The following FOXA1 variants were observed in gnomAD, a reference collection of about 807,000 sequenced individuals.
FOXA1 encodes forkhead box A1, also known as hepatocyte nuclear factor 3-alpha.
In FOXA1, 9 loss-of-function variants were observed where a neutral mutation model predicts 29.2. The ratio of observed to expected loss-of-function variants is 0.31; its 90% confidence interval spans 0.19 to 0.54. FOXA1 has a LOEUF of 0.54. Among genes scored for constraint, FOXA1 ranks in the 20% least tolerant of loss-of-function variants. The pLI, the probability that FOXA1 is intolerant of heterozygous loss-of-function variation, is 0.95. For missense variants in FOXA1, 644 were observed against 681.2 expected, an observed-to-expected ratio of 0.95 and a Z score of 0.61; for synonymous variants, 340 against 300.9, an observed-to-expected ratio of 1.13 and a Z score of -1.34.
At chr14:37,594,826 C>T in intron 1 of FOXA1, 75 bp downstream of exon 1, 1 of 1,307,948 alleles carries the variant, frequency 7.6e-7, no homozygotes, top group Non-Finnish European at 1.0e-6. Context: ...TGCCTGGCGC[C>T]CACCGCTCCC....
chr14:37,594,029 T>A, intron 1 of FOXA1: 1 of 1,169,726 alleles, frequency 8.5e-7, no homozygotes, highest in Non-Finnish European at 1.1e-6. Flanking sequence ...ATCAAAATAT[T>A]ACGTGATCCT....
In FOXA1 at chr14:37,590,250, C is replaced by G. The variant is rs1391294725; in HGVS notation, c.*1115G>C. 4.3e-6 allele frequency: 1 copy of G among 232,078 alleles called. No homozygotes were observed. The highest frequency in any genetic ancestry group is 2.2e-5 in the African/African-American group (1 of 45,262). The allele number at this position is 232,078 out of a possible 1,614,324, so 14.4% of individuals were successfully genotyped here. A position where few individuals can be genotyped will look rare whatever the true frequency, so the allele number is the denominator to read the frequency against. ...TGAAACCCGTCTGGCTATACTAACA[C>G]CATGTCCAACTGTGGAAAGTGCATA... On this transcript the variant is annotated 3_prime_UTR_variant, in exon 2 of 2. Coordinates refer to ENST00000250448, the MANE Select transcript of FOXA1 (RefSeq NM_004496.5).
At chr14:37,592,795 C>T in intron 1 of FOXA1, 84 bp from the exon 2 acceptor site, 5 of 1,552,386 alleles carry the variant, frequency 3.2e-6, no homozygotes, top group East Asian at 4.5e-5. Flanking sequence ...GGACCTAACC[C>T]GGGGGCAAGT....
In FOXA1 at chr14:37,595,132, G is replaced by T; in HGVS notation, c.-160C>A. On this transcript the variant is annotated 5_prime_UTR_variant, in exon 1 of 2. Transcript: ENST00000250448. Reference sequence around the variant, plus strand: ...CGAAGAGGAAGCCCAGAGCTGCGGGGCGCGGCGTGCGCGGCGGCGGCGGCG... The same window carrying T: ...CGAAGAGGAAGCCCAGAGCTGCGGGTCGCGGCGTGCGCGGCGGCGGCGGCG... 1 of 233,028 alleles carries T rather than the reference G, an allele frequency of 4.3e-6. No individual in the cohort carries two copies. The highest frequency in any genetic ancestry group is 6.1e-6 in the Non-Finnish European group (1 of 163,218). The allele number at this position is 233,028 out of a possible 1,614,324, so 14.4% of individuals were successfully genotyped here.
At chr14:37,593,180 T>G (rs932714679) in intron 1 of FOXA1, among the ~76,000 whole-genome samples, 16 of 152,372 alleles carry the variant, frequency 1.1e-4, no homozygotes, top group African/African-American at 3.6e-4. Flanking sequence ...TAGGGGTTTT[T>G]GCCTATGGTG....
rs367849941 is a variant in FOXA1, at chr14:37,591,351, C to G, written c.*14G>C. ...CAGCATGGCTATGCCAGACAAACCCCCCAGTCCCGGGAGCTAGGAAGTGTT... is the reference window on the plus strand; with the variant it reads ...CAGCATGGCTATGCCAGACAAACCCGCCAGTCCCGGGAGCTAGGAAGTGTT... On this transcript the variant is annotated 3_prime_UTR_variant, in exon 2 of 2. Transcript: ENST00000250448. The G allele has an allele frequency of 1.1e-5, 18 of 1,612,034 alleles. No individual in the cohort carries two copies. Among genetic ancestry groups the G allele is most frequent in the Non-Finnish European group, 1.4e-5 (17 of 1,180,038 alleles).
At position 37,592,486 on chromosome 14, in the gene FOXA1, C is replaced by T. The variant is rs754265844; in HGVS notation, c.298G>A (p.Gly100Ser). The T allele has an allele frequency of 1.6e-5, 25 of 1,608,866 alleles. No homozygotes were observed. Among genetic ancestry groups the T allele is most frequent in the Non-Finnish European group, 2.0e-5 (24 of 1,179,164 alleles). ...AGCGCCGTACCCATGGCCGTCACGCCGGCCGCAGTCATGCTGTTCATGGCG... is the reference window on the plus strand; with the variant it reads ...AGCGCCGTACCCATGGCCGTCACGCTGGCCGCAGTCATGCTGTTCATGGCG... The part of the protein sequence containing the change: ...AGAMNSMTAA[G>S]VTAMGTALSP... The change falls in exon 2 of 2, where the codon GGC becomes AGC. Residue 100 changes from glycine to serine, a missense_variant. By Grantham distance (56) the Gly-to-Ser change is moderately conservative. Transcript: ENST00000250448.
intron 1 of FOXA1, among the ~76,000 whole-genome samples, chr14:37,593,122 A>G (rs1237162295): frequency 1.3e-5 from 2 of 152,182 alleles, no homozygotes; most frequent in Non-Finnish European, 2.9e-5. Flanking sequence ...ACCTATGGAC[A>G]TGGGACCCCC....
At position 37,591,524 on chromosome 14, in the gene FOXA1, G is replaced by A. The variant is rs2139179941; in HGVS notation, c.1260C>T (p.Tyr420=). 1 of 1,614,224 alleles carries A rather than the reference G, an allele frequency of 6.2e-7. No homozygotes were observed. The highest frequency in any genetic ancestry group is 1.1e-5 in the South Asian group (1 of 91,092). ...EQQHKLDFKA[Y]EQALQYSPYG... Reference sequence around the variant, plus strand: ...AAGGCGAGTATTGCAGTGCCTGTTCGTATGCCTTGAAGTCCAGCTTATGCT... The same window carrying A: ...AAGGCGAGTATTGCAGTGCCTGTTCATATGCCTTGAAGTCCAGCTTATGCT... The change falls in exon 2 of 2, where the codon TAC becomes TAT. Residue 420 remains tyrosine, a synonymous_variant. Coordinates refer to ENST00000250448, the MANE Select transcript of FOXA1 (RefSeq NM_004496.5).
Position 37,591,464 on chromosome 14 carries a change from G to T in FOXA1, c.1320C>A (p.Gly440=). Residue 440 remains glycine (G), a synonymous_variant, in exon 2 of 2, where the codon GGC becomes GGA. Transcript: ENST00000250448. The stretch of plus-strand genomic sequence containing the variant: ...GGCTCCTGGTGGTCACCGAGGCGCT[G>T]CCTAGAGGCAGGCTGGCGGGCAACG... ...GSTLPASLPL[G]SASVTTRSPI... 3 of 1,614,240 alleles carry T rather than the reference G, an allele frequency of 1.9e-6. No homozygotes were observed. The highest frequency in any genetic ancestry group is 2.5e-6 in the Non-Finnish European group (3 of 1,180,042).
At chr14:37,594,396 G>A in intron 1 of FOXA1, 1 of 1,021,128 alleles carries the variant, frequency 9.8e-7, no homozygotes, top group Non-Finnish European at 1.2e-6. Context: ...CCCAAATAGG[G>A]CTTTTGAAGA....
Position 37,591,612 on chromosome 14 carries a change from T to G in FOXA1, c.1172A>C (p.Asp391Ala), listed in dbSNP as rs533489074. ...PHESQLHLKGDPHYSFNHPFS... is the reference protein window; with the variant it reads ...PHESQLHLKGAPHYSFNHPFS... The stretch of plus-strand genomic sequence containing the variant: ...CGGGTGGTTGAAGGAGTAGTGGGGG[T>G]CCCCTTTCAGGTGCAGCTGGGACTC... Residue 391 changes from aspartate to alanine, a missense_variant, in exon 2 of 2, where the codon GAC becomes GCC. By Grantham distance (126) the Asp-to-Ala change is moderately radical. Transcript: ENST00000250448. The G allele has an allele frequency of 6.2e-7, 1 of 1,610,284 alleles. No individual in the cohort carries two copies. Among genetic ancestry groups the G allele is most frequent in the South Asian group, 1.1e-5 (1 of 90,568 alleles).
rs2095601397 is a variant in FOXA1, at chr14:37,595,192, G to C, written c.-220C>G. ...GCGGGGGCAGCGCCGGGGGCAGGCG[G>C]CTGCCGCGGAGCGCGGCGCCGGGGA... On this transcript the variant is annotated 5_prime_UTR_variant, in exon 1 of 2. Coordinates refer to ENST00000250448, the MANE Select transcript of FOXA1 (RefSeq NM_004496.5). The C allele has an allele frequency of 5.6e-6, 1 of 179,488 alleles. No homozygotes were observed. The highest frequency in any genetic ancestry group is 2.4e-5 in the African/African-American group (1 of 41,604). The allele number at this position is 179,488 out of a possible 1,614,324, so 11.1% of individuals were successfully genotyped here.
rs773464336 is a variant in FOXA1, at chr14:37,592,694, C to T, written c.90G>A (p.Pro30=). 3 of 1,613,050 alleles carry T rather than the reference C, an allele frequency of 1.9e-6. No homozygotes were observed. The highest frequency in any genetic ancestry group is 4.5e-5 in the East Asian group (2 of 44,860). The part of the protein sequence containing the change: ...ADTQEAYSSV[P]VSNMNSGLGS... ...CCAGGCCTGAGTTCATGTTGCTGACCGGGACGGAGGAGTAGGCCTGGAGTG... is the reference window on the plus strand; with the variant it reads ...CCAGGCCTGAGTTCATGTTGCTGACTGGGACGGAGGAGTAGGCCTGGAGTG... Residue 30 remains proline, a synonymous_variant, in exon 2 of 2, where the codon CCG becomes CCA. Transcript: ENST00000250448.
intron 1 of FOXA1, among the ~76,000 whole-genome samples, chr14:37,593,461 A>C (rs1318308546): frequency 6.6e-6 from 1 of 152,190 alleles, no homozygotes; most frequent in East Asian, 1.9e-4. Flanking sequence ...CCTGTTTGAA[A>C]AATTTGGTGA....
In FOXA1 at chr14:37,591,309, T is replaced by A; in HGVS notation, c.*56A>T. On this transcript the variant is annotated 3_prime_UTR_variant, in exon 2 of 2. Coordinates refer to ENST00000250448, the MANE Select transcript of FOXA1 (RefSeq NM_004496.5). ...TTGTGTGGTTTTGTTTGCTGTTGAT[T>A]TTTTCTCTCTTGCTACCAGCATGGC... is the stretch of plus-strand genomic sequence containing the variant. 1 of 1,603,286 alleles carries A rather than the reference T, an allele frequency of 6.2e-7. No individual in the cohort carries two copies. Among genetic ancestry groups the A allele is most frequent in the Admixed American group, 1.7e-5 (1 of 59,990 alleles).
chr14:37,591,055 G>A lies in FOXA1; in HGVS notation c.*310C>T. Reference sequence around the variant, plus strand: ...AACTAGAATGTCTGGAGGGGAAAGAGGGAAGAAAGAGAGGGGGGCAAGGAA... The same window carrying A: ...AACTAGAATGTCTGGAGGGGAAAGAAGGAAGAAAGAGAGGGGGGCAAGGAA... On this transcript the variant is annotated 3_prime_UTR_variant, in exon 2 of 2. Transcript: ENST00000250448. 1 of 468,264 alleles carries A rather than the reference G, an allele frequency of 2.1e-6. No homozygotes were observed. Among genetic ancestry groups the A allele is most frequent in the Non-Finnish European group, 3.9e-6 (1 of 255,710 alleles). 29.0% of individuals were successfully genotyped at this position (468,264 alleles called of 1,614,324 possible). A position where few individuals can be genotyped will look rare whatever the true frequency, so the allele number is the denominator to read the frequency against.
rs1202122176 is a variant in FOXA1 at position 37,591,193 on chromosome 14, G to GT, written c.*171dup. On this transcript the variant is annotated 3_prime_UTR_variant, in exon 2 of 2. Coordinates refer to ENST00000250448, the MANE Select transcript of FOXA1 (RefSeq NM_004496.5). ...AATGAATTTTGAATACAATAATAAA[G>GT]TAACAGTCTTTTGCACTGGGGGAAA... The GT allele has an allele frequency of 1.2e-6, 1 of 849,828 alleles. No individual in the cohort carries two copies. The highest frequency in any genetic ancestry group is 1.7e-5 in the African/African-American group (1 of 59,092). 52.6% of individuals were successfully genotyped at this position (849,828 alleles called of 1,614,324 possible).
intron 1 of FOXA1, 126 bp downstream of exon 1, chr14:37,594,775 C>T: frequency 1.8e-6 from 1 of 544,546 alleles, no homozygotes; most frequent in Non-Finnish European, 2.6e-6. Context: ...GGGCGGGCAG[C>T]GGTGGCACCG....
Sources: gnomAD v4.1 joint callset for allele counts (sites outside exome capture counted in the v4.1 genomes callset) on GRCh38, gnomAD v4.1.1 for gene constraint, MANE v1.5 for transcripts, NCBI Gene and HGNC (gene_info 2026-07-23, HGNC 2026-07-21) for gene names.